ARFIP1: variants seen among roughly 807,000 people sequenced by gnomAD.
The protein encoded by ARFIP1 is arfaptin-1.
In ARFIP1, 24 loss-of-function variants were observed where a neutral mutation model predicts 42.5. That is an observed-to-expected ratio of 0.57 (90% CI 0.41 to 0.80). The LOEUF is 0.80. Ranked by LOEUF, ARFIP1 falls within the 30% of genes least tolerant of loss-of-function variation. The probability of loss-of-function intolerance (pLI) is 0.00; values close to 1 mark genes in which losing one functional copy is unlikely to be tolerated. For synonymous variants in ARFIP1, 141 were observed against 153.7 expected, an observed-to-expected ratio of 0.92 and a Z score of 0.61; for missense variants, 354 against 434.0, an observed-to-expected ratio of 0.82 and a Z score of 1.64.
chr4:152,890,587 G>C (rs1334457875), intron 8 of ARFIP1, among the ~76,000 whole-genome samples: 3 of 152,068 alleles, frequency 2.0e-5, no homozygotes, highest in Non-Finnish European at 4.4e-5. Flanking sequence ...GAAGGAATAT[G>C]GTGATTTTAA....
intron 1 of ARFIP1, among the ~76,000 whole-genome samples, chr4:152,824,206 G>A (rs1008015342): frequency 3.3e-5 from 5 of 151,676 alleles, no homozygotes; most frequent in Admixed American, 6.6e-5. Context: ...CCAGCTACTC[G>A]GGAGGCTGAG....
chr4:152,853,821 A>G (rs1023943532), intron 2 of ARFIP1, among the ~76,000 whole-genome samples: 9 of 151,522 alleles, frequency 5.9e-5, no homozygotes, highest in Non-Finnish European at 5.9e-5. Flanking sequence ...GTCTCATGTC[A>G]TGAATACTTT....
intron 1 of ARFIP1, among the ~76,000 whole-genome samples, chr4:152,828,337 GAGAGTTCC>G (rs1222538614): frequency 1.3e-5 from 2 of 152,228 alleles, no homozygotes; most frequent in Non-Finnish European, 2.9e-5. Context: ...AGCAGTGAGT[GAGAGTTCC>G]TGTTGCTTCA....
At position 152,800,609 on chromosome 4, in the gene ARFIP1, T is replaced by C. The variant is rs182820567; in HGVS notation, c.-10+20383T>C. On this transcript the variant is annotated intron_variant, in intron 1 of 8. Coordinates refer to ENST00000353617, the MANE Select transcript of ARFIP1 (RefSeq NM_001025595.3). ...AAATTGCATTAGATATTTATTAGTTTATCCTGAGATTGTAGTCTTAATTCT... is the reference window on the plus strand; with the variant it reads ...AAATTGCATTAGATATTTATTAGTTCATCCTGAGATTGTAGTCTTAATTCT... 6.6e-5 allele frequency among the ~76,000 whole-genome samples: 10 copies of C among 152,328 alleles called. No homozygotes were observed. The East Asian group carries it at 1.9e-3, about 29-fold the overall frequency.
intron 8 of ARFIP1, among the ~76,000 whole-genome samples, chr4:152,901,516 G>C (rs1223281037): frequency 6.6e-6 from 1 of 152,116 alleles, no homozygotes; most frequent in African/African-American, 2.4e-5. Context: ...TCATTGTTTG[G>C]CAGATGTTTA....
chr4:152,868,121 T>C (rs970263339), intron 3 of ARFIP1, among the ~76,000 whole-genome samples: 5 of 152,228 alleles, frequency 3.3e-5, no homozygotes, highest in African/African-American at 9.6e-5. Context: ...TACTTTTTCA[T>C]CTATCTAGAG....
intron 2 of ARFIP1, among the ~76,000 whole-genome samples, chr4:152,834,614 T>G (rs985710160): frequency 2.6e-5 from 4 of 152,242 alleles, no homozygotes; most frequent in Admixed American, 1.3e-4. Flanking sequence ...CTCTGCATCC[T>G]GGGCACACTG....
At chr4:152,820,127 C>G (rs901440622) in intron 1 of ARFIP1, among the ~76,000 whole-genome samples, 3 of 151,300 alleles carry the variant, frequency 2.0e-5, no homozygotes, top group Admixed American at 1.3e-4. Flanking sequence ...GCTGTGGTGG[C>G]CCCCCCACCC....
chr4:152,847,075 T>G (rs1732592022), intron 2 of ARFIP1, among the ~76,000 whole-genome samples: 1 of 149,216 alleles, frequency 6.7e-6, no homozygotes, highest in Admixed American at 6.7e-5. Context: ...GCAATCCCTT[T>G]GCCAGCAGTT....
intron 2 of ARFIP1, among the ~76,000 whole-genome samples, chr4:152,855,473 A>G (rs1308820112): frequency 1.3e-5 from 2 of 152,174 alleles, no homozygotes; most frequent in African/African-American, 4.8e-5. Flanking sequence ...GCTGGTGGAT[A>G]GAGAACATCT....
chr4:152,878,060 T>C (rs1288214530), intron 5 of ARFIP1, among the ~76,000 whole-genome samples: 2 of 152,218 alleles, frequency 1.3e-5, no homozygotes, highest in African/African-American at 4.8e-5. Flanking sequence ...ACCAGTATAA[T>C]GCTGATTCAT....
Position 152,817,487 on chromosome 4 carries a change from A to G in ARFIP1, c.-9-12138A>G, listed in dbSNP as rs1029706427. On this transcript the variant is annotated intron_variant, in intron 1 of 8. Transcript: ENST00000353617. ...CAGAATGAATCAAAGACCTAAATGT[A>G]GACCTAAGACTATAAAAGTCTTAGG... Among the ~76,000 whole-genome samples, 6 of 152,206 alleles carry G rather than the reference A, an allele frequency of 3.9e-5. No individual in the cohort carries two copies. The South Asian group carries it at 1.0e-3, about 26-fold the overall frequency.
intron 8 of ARFIP1, among the ~76,000 whole-genome samples, chr4:152,893,496 C>G (rs1202375850): frequency 6.6e-6 from 1 of 151,766 alleles, no homozygotes; most frequent in Non-Finnish European, 1.5e-5. Context: ...TTTAAGGTGA[C>G]TAATTTAACT....
Position 152,868,379 on chromosome 4 carries a change from G to A in ARFIP1, c.203-2374G>A, listed in dbSNP as rs534593387. On this transcript the variant is annotated intron_variant, in intron 3 of 8. Transcript: ENST00000353617. ...TTAATTCCCCAAATTTAGCCAGTTA[G>A]TAAGATCCTGTATTATTGAGAGATC... 2.4e-4 allele frequency among the ~76,000 whole-genome samples: 37 copies of A among 152,224 alleles called. 1 individual carries two copies. In the South Asian group the frequency reaches 7.3e-3, roughly 30 times the overall value.
chr4:152,858,015 C>A (rs1290889417), intron 2 of ARFIP1, among the ~76,000 whole-genome samples: 1 of 152,074 alleles, frequency 6.6e-6, no homozygotes, highest in Non-Finnish European at 1.5e-5. Context: ...AAATAAGCCA[C>A]CCCTGTTGGG....
At chr4:152,817,829 A>G (rs1051240725) in intron 1 of ARFIP1, among the ~76,000 whole-genome samples, 2 of 152,262 alleles carry the variant, frequency 1.3e-5, no homozygotes, top group Non-Finnish European at 2.9e-5. Context: ...GATGATATAC[A>G]TGTAGCCAAC....
chr4:152,790,697 A>G (rs1021619772), intron 1 of ARFIP1, among the ~76,000 whole-genome samples: 4 of 126,426 alleles, frequency 3.2e-5, no homozygotes, highest in South Asian at 2.7e-4. Flanking sequence ...AGGGCTTTCT[A>G]TTTTTGAATT....
At chr4:152,814,933 C>G (rs774670942) in intron 1 of ARFIP1, among the ~76,000 whole-genome samples, 2 of 152,144 alleles carry the variant, frequency 1.3e-5, no homozygotes, top group Non-Finnish European at 2.9e-5. Context: ...CAGGGGATTT[C>G]TTTTTAAATT....
intron 2 of ARFIP1, among the ~76,000 whole-genome samples, chr4:152,836,419 A>G (rs1022463837): frequency 1.3e-5 from 2 of 152,168 alleles, no homozygotes; most frequent in African/African-American, 4.8e-5. Context: ...TTAATTGTCA[A>G]TTATACCTCA....
Sources: gnomAD v4.1 joint callset for allele counts (sites outside exome capture counted in the v4.1 genomes callset) on GRCh38, gnomAD v4.1.1 for gene constraint, MANE v1.5 for transcripts, NCBI Gene and HGNC (gene_info 2026-07-23, HGNC 2026-07-21) for gene names.